The following DDX5 variants were observed in gnomAD, a reference collection of about 807,000 sequenced individuals.
DDX5 encodes DEAD-box helicase 5.
Under a neutral mutation model 68.6 loss-of-function variants are expected in DDX5, and 6 were observed. That is an observed-to-expected ratio of 0.09 (90% CI 0.05 to 0.17). DDX5 has a LOEUF of 0.17. Ranked by LOEUF, DDX5 falls within the 10% of genes least tolerant of loss-of-function variation. The pLI is 1.00. For missense variants in DDX5, 499 were observed against 756.1 expected (o/e 0.66, Z 3.99); for synonymous variants, 350 against 247.0 (o/e 1.42, Z -3.91).
At chr17:64,503,709 T>G in intron 5 of DDX5, 94 bp downstream of exon 5, 1 of 1,534,524 alleles carries the variant, frequency 6.5e-7, no homozygotes, top group Non-Finnish European at 8.9e-7. Flanking sequence ...AGCTAACCTC[T>G]ATATAAAACC....
chr17:64,506,259 A>G lies in DDX5; in HGVS notation c.-140T>C. 11 of 1,542,614 alleles carry G rather than the reference A, an allele frequency of 7.1e-6. No individual in the cohort carries two copies. Among genetic ancestry groups the G allele is most frequent in the Middle Eastern group, 1.7e-4 (1 of 5,912 alleles). Reference sequence around the variant, plus strand: ...CACCGATGACACCAGCCGAAGCTGCACTACTAGAGACCGGTAGAAATGAAT... The same window carrying G: ...CACCGATGACACCAGCCGAAGCTGCGCTACTAGAGACCGGTAGAAATGAAT... On this transcript the variant is annotated 5_prime_UTR_variant, in exon 1 of 13. Transcript: ENST00000225792.
chr17:64,503,728 T>C (rs1555671533), intron 5 of DDX5, 75 bp downstream of exon 5: 2 of 1,553,020 alleles, frequency 1.3e-6, no homozygotes, highest in Non-Finnish European at 1.8e-6. Flanking sequence ...CCACCACAAA[T>C]GATTACATCT....
chr17:64,506,019 G>GTGCCCCCCCCCCCCA, intron 1 of DDX5, 57 bp downstream of exon 1: 2 of 1,360,402 alleles, frequency 1.5e-6, no homozygotes, highest in Non-Finnish European at 2.0e-6. Flanking sequence ...CCGCCACCCT[G>GTGCCCCCCCCCCCCA]ACCCGCCCTC....
chr17:64,506,020 A>AGCCCCCCCCCCCCCCCC, intron 1 of DDX5, 56 bp downstream of exon 1: 1 of 868,080 alleles, frequency 1.2e-6, no homozygotes, highest in Non-Finnish European at 1.7e-6. Context: ...CGCCACCCTG[A>AGCCCCCCCCCCCCCCCC]CCCGCCCTCC....
rs782166905 is a variant in DDX5, at chr17:64,499,475, C to T, written c.*448G>A. 14 of 217,630 alleles carry T rather than the reference C, an allele frequency of 6.4e-5. No individual in the cohort carries two copies. Among genetic ancestry groups the T allele is most frequent in the Non-Finnish European group, 1.3e-4 (14 of 110,050 alleles). 13.5% of individuals were successfully genotyped at this position (217,630 alleles called of 1,614,324 possible). ...CATTATAAAGAAGGGCCTTCTGATT[C>T]CCCCTGCCTCCCAAATTAAATAAAA... On this transcript the variant is annotated 3_prime_UTR_variant, in exon 13 of 13. Transcript: ENST00000225792.
intron 8 of DDX5, 119 bp downstream of exon 8, chr17:64,502,807 G>A (rs1198835400): frequency 1.9e-6 from 2 of 1,040,162 alleles, no homozygotes; most frequent in East Asian, 2.6e-5. Context: ...AGGATTAGTA[G>A]GCTAACTAAA....
chr17:64,506,318 T>C (rs909712857), upstream of DDX5: 6 of 1,492,700 alleles, frequency 4.0e-6, no homozygotes, highest in African/African-American at 2.8e-5. Flanking sequence ...GCCGCTTTTA[T>C]AGTCTGGACC....
rs1555670246 is a variant in DDX5 at position 64,498,625 on chromosome 17, G to A, written c.*1298C>T. 2.0e-5 allele frequency among the ~76,000 whole-genome samples: 3 copies of A among 152,118 alleles called. No individual in the cohort carries two copies. Among genetic ancestry groups the A allele is most frequent in the Middle Eastern group, 3.4e-3 (1 of 292 alleles). On this transcript the variant is annotated 3_prime_UTR_variant, in exon 13 of 13. Coordinates refer to ENST00000225792, the MANE Select transcript of DDX5 (RefSeq NM_004396.5). ...AATTCTAACTTTACATTTGACATAA[G>A]GCATTAACATCAATTAAAGCCTCAG...
chr17:64,506,157 T>A lies in DDX5; in HGVS notation c.-38A>T, dbSNP rs782214952. 11 of 1,603,856 alleles carry A rather than the reference T, an allele frequency of 6.9e-6. No individual in the cohort carries two copies. The East Asian group carries it at 2.5e-4, about 36-fold the overall frequency. ...TGCGGTTGGCGGGGAACGAAGTATA[T>A]AGAAAAGCGTGCGACAAGTCGCTGG... On this transcript the variant is annotated 5_prime_UTR_variant, in exon 1 of 13. Coordinates refer to ENST00000225792, the MANE Select transcript of DDX5 (RefSeq NM_004396.5).
rs539583322 is a variant in DDX5, at chr17:64,504,333, A to G, written c.211-15T>C. ...TCCACCTCTTGCTGCAAAACAAATTATAACAGTCTTAAAATTCATGACAAC... is the reference window on the plus strand; with the variant it reads ...TCCACCTCTTGCTGCAAAACAAATTGTAACAGTCTTAAAATTCATGACAAC... On this transcript the variant is annotated splice_polypyrimidine_tract_variant and intron_variant, in intron 2 of 12. Coordinates refer to ENST00000225792, the MANE Select transcript of DDX5 (RefSeq NM_004396.5). 34 of 1,605,460 alleles carry G rather than the reference A, an allele frequency of 2.1e-5. No individual in the cohort carries two copies. The highest frequency in any genetic ancestry group is 8.0e-5 in the African/African-American group (6 of 74,862).
rs1056933078 is a variant in DDX5, at chr17:64,505,948, G to C, written c.44+128C>G. 4.6e-6 allele frequency: 7 copies of C among 1,536,112 alleles called. 1 individual carries two copies. The South Asian group carries it at 8.3e-5, about 18-fold the overall frequency. ...GAATATCAAAATGGCGCAAGCCTTCGGGAAAGGAAGTCCCAAGATAGCCCG... is the reference window on the plus strand; with the variant it reads ...GAATATCAAAATGGCGCAAGCCTTCCGGAAAGGAAGTCCCAAGATAGCCCG... On this transcript the variant is annotated intron_variant, in intron 1 of 12. Coordinates refer to ENST00000225792, the MANE Select transcript of DDX5 (RefSeq NM_004396.5).
At chr17:64,505,993 G>A in intron 1 of DDX5, 83 bp downstream of exon 1, 1 of 1,542,288 alleles carries the variant, frequency 6.5e-7, no homozygotes, top group Non-Finnish European at 8.7e-7. Flanking sequence ...AGTCCAAGCC[G>A]CAAAGCCCCC....
rs150489609 is a variant in DDX5, at chr17:64,505,042, T to C, written c.45-200A>G. On this transcript the variant is annotated intron_variant, in intron 1 of 12. Coordinates refer to ENST00000225792, the MANE Select transcript of DDX5 (RefSeq NM_004396.5). The stretch of plus-strand genomic sequence containing the variant: ...CCCGTAGTCCCAAGTACACATTACT[T>C]AGGTCATGTAAACAGCCTGGGATTT... 2.4e-4 allele frequency: 114 copies of C among 477,974 alleles called. No homozygotes were observed. The East Asian group carries it at 3.6e-3, about 15-fold the overall frequency. The allele number at this position is 477,974 out of a possible 1,614,324, so 29.6% of individuals were successfully genotyped here.
In DDX5 at chr17:64,498,996, T is replaced by C. The variant is rs2038227323; in HGVS notation, c.*927A>G. Reference sequence around the variant, plus strand: ...AATTCCCTGAATTATTGGAAAGACATTCATGACTCCCAGTGTGACTAGTTA... The same window carrying C: ...AATTCCCTGAATTATTGGAAAGACACTCATGACTCCCAGTGTGACTAGTTA... On this transcript the variant is annotated 3_prime_UTR_variant, in exon 13 of 13. Coordinates refer to ENST00000225792, the MANE Select transcript of DDX5 (RefSeq NM_004396.5). Among the ~76,000 whole-genome samples the C allele has an allele frequency of 6.6e-6, 1 of 152,228 alleles. No homozygotes were observed. Among genetic ancestry groups the C allele is most frequent in the African/African-American group, 2.4e-5 (1 of 41,450 alleles).
chr17:64,501,750 T>C (rs1380120331), intron 11 of DDX5: 40 of 551,616 alleles, frequency 7.3e-5, no homozygotes, highest in Non-Finnish European at 1.2e-4. Flanking sequence ...AGAGGTGATA[T>C]GTTCTGCCTT....
At position 64,498,699 on chromosome 17, in the gene DDX5, C is replaced by CA. The variant is rs139967983; in HGVS notation, c.*1223dup. On this transcript the variant is annotated 3_prime_UTR_variant, in exon 13 of 13. Coordinates refer to ENST00000225792, the MANE Select transcript of DDX5 (RefSeq NM_004396.5). ...AGTCTCCTGAAGACCTCTCTTCTGG[C>CA]AAAAAAAAACACGTATCAGACTCTG... Among the ~76,000 whole-genome samples the CA allele has an allele frequency of 0.049, 7,324 of 149,474 alleles. 344 individuals carry two copies. Among genetic ancestry groups the CA allele is most frequent in the African/African-American group, 0.12 (5,093 of 40,798 alleles).
At chr17:64,503,753 TA>T (rs1168808678) in intron 5 of DDX5, 49 bp downstream of exon 5, 2 of 1,581,208 alleles carry the variant, frequency 1.3e-6, no homozygotes, top group Non-Finnish European at 8.6e-7. Flanking sequence ...CTATGTAGTC[TA>T]AAATCTACAC....
upstream of DDX5, chr17:64,506,391 C>T: frequency 7.1e-7 from 1 of 1,404,572 alleles, no homozygotes; most frequent in Non-Finnish European, 9.3e-7. Context: ...GCCCCTCGCG[C>T]ATAGGCCGCA....
chr17:64,503,778 TA>T (rs1568104266), intron 5 of DDX5, 24 bp downstream of exon 5: 1 of 1,602,368 alleles, frequency 6.2e-7, no homozygotes, highest in Non-Finnish European at 8.5e-7. Context: ...ATGCTTCTAA[TA>T]AAAAGTTAAA....
Sources: allele counts gnomAD v4.1 joint callset (sites outside exome capture counted in the v4.1 genomes callset), GRCh38; gene constraint gnomAD v4.1.1; transcripts MANE v1.5; gene names NCBI Gene and HGNC (gene_info 2026-07-23, HGNC 2026-07-21).